The following NLRP5 variants were observed in gnomAD, a reference collection of about 807,000 sequenced individuals.
NLRP5 encodes the protein NACHT, LRR and PYD domains-containing protein 5.
Under a neutral mutation model 113.1 loss-of-function variants are expected in NLRP5, and 93 were observed. That is an observed-to-expected ratio of 0.82 (90% confidence interval 0.70 to 0.98). The LOEUF is 0.98. NLRP5 is among the 50% of genes least tolerant of loss of function. The pLI is 0.00. For synonymous variants in NLRP5, 751 were observed against 600.7 expected (o/e 1.25, Z -3.66); for missense variants, 1,808 against 1,514.3 (o/e 1.19, Z -3.22).
At chr19:56,046,822 G>A (rs1407587858) in intron 11 of NLRP5, among the ~76,000 whole-genome samples, 2 of 152,278 alleles carry the variant, frequency 1.3e-5, no homozygotes, top group South Asian at 2.1e-4. Flanking sequence ...GTGAGCCATC[G>A]CGCCCAGCCA....
At chr19:56,014,435 G>A (rs970195314) in intron 3 of NLRP5, among the ~76,000 whole-genome samples, 22 of 149,600 alleles carry the variant, frequency 1.5e-4, no homozygotes, top group East Asian at 3.9e-4. Flanking sequence ...AACCAAGATC[G>A]TGCCATTGCA....
intron 8 of NLRP5, among the ~76,000 whole-genome samples, chr19:56,033,027 C>T (rs1983182309): frequency 1.3e-5 from 2 of 152,156 alleles, no homozygotes; most frequent in South Asian, 4.2e-4. Flanking sequence ...GGGTGGATCA[C>T]CTGAGGTCAG....
At chr19:56,026,114 C>T (rs900616569) in intron 6 of NLRP5, among the ~76,000 whole-genome samples, 10 of 152,058 alleles carry the variant, frequency 6.6e-5, no homozygotes, top group East Asian at 1.9e-4. Flanking sequence ...AAGTAGGGAA[C>T]GAAGAGTGAG....
At chr19:56,032,121 CAGATCATG>C (rs1983139319) in intron 7 of NLRP5, among the ~76,000 whole-genome samples, 2 of 152,050 alleles carry the variant, frequency 1.3e-5, no homozygotes, top group Admixed American at 6.6e-5. Context: ...AAGGCGGGGG[CAGATCATG>C]AGATCAGGAG....
chr19:56,028,282 C>T lies in NLRP5; in HGVS notation c.2049C>T (p.Asp683=), dbSNP rs1982958425. 1 of 1,613,796 alleles carries T rather than the reference C, an allele frequency of 6.2e-7. No homozygotes were observed. The highest frequency in any genetic ancestry group is 1.3e-5 in the African/African-American group (1 of 74,930). Residue 683 remains aspartate, a synonymous_variant, in exon 7 of 15, where the codon GAC becomes GAT. Transcript: ENST00000390649. ...AGCCTAATGCCACCACCCCAGGAGA[C>T]ACCCTGGACGCCTTCCACTGTCTTT...
At chr19:56,018,234 A>G (rs904693931) in intron 4 of NLRP5, among the ~76,000 whole-genome samples, 1 of 152,152 alleles carries the variant, frequency 6.6e-6, no homozygotes, top group Non-Finnish European at 1.5e-5. Flanking sequence ...TCTGTTTGTG[A>G]TTTTAAAAAA....
chr19:55,991,347 G>C, the NLRP5 span, among the ~76,000 whole-genome samples: 2 of 152,120 alleles, frequency 1.3e-5, no homozygotes, highest in Non-Finnish European at 2.9e-5. Context: ...ATTCTTCTTA[G>C]AATTTTCTTG....
chr19:56,017,012 T>A lies in NLRP5; in HGVS notation c.565+1214T>A, dbSNP rs180753911. 3.5e-3 allele frequency among the ~76,000 whole-genome samples: 530 copies of A among 152,280 alleles called. 1 individual carries two copies. Among genetic ancestry groups the A allele is most frequent in the African/African-American group, 0.012 (513 of 41,566 alleles). ...TTAGTGCAGATGGGGTTTCACCGTG[T>A]TAGGCAGGATGGTCTCAGTCTCTTG... On this transcript the variant is annotated intron_variant, in intron 4 of 14. Transcript: ENST00000390649.
intron 12 of NLRP5, among the ~76,000 whole-genome samples, chr19:56,053,395 T>C (rs1449721958): frequency 7.6e-6 from 1 of 131,376 alleles, no homozygotes; most frequent in Admixed American, 8.4e-5. Context: ...AAACTCCATC[T>C]CAAAAAAAAT....
At chr19:56,039,431 C>A (rs1983436243) in intron 10 of NLRP5, among the ~76,000 whole-genome samples, 1 of 152,164 alleles carries the variant, frequency 6.6e-6, no homozygotes, top group Non-Finnish European at 1.5e-5. Context: ...GATGGCAGTG[C>A]TGGTATCAGC....
At chr19:56,015,265 G>A (rs754801138) in intron 3 of NLRP5, among the ~76,000 whole-genome samples, 1 of 151,932 alleles carries the variant, frequency 6.6e-6, no homozygotes, top group Non-Finnish European at 1.5e-5. Flanking sequence ...GTGTGATGTC[G>A]GCTCACTGAA....
intron 14 of NLRP5, among the ~76,000 whole-genome samples, chr19:56,060,189 G>A (rs947217898): frequency 6.6e-6 from 1 of 152,216 alleles, no homozygotes; most frequent in Non-Finnish European, 1.5e-5. Context: ...GGACTTAGTA[G>A]TTGAAGTAGG....
intron 2 of NLRP5, among the ~76,000 whole-genome samples, chr19:56,007,795 A>C (rs543702147): frequency 7.4e-6 from 1 of 135,708 alleles, no homozygotes; most frequent in Non-Finnish European, 1.6e-5. Flanking sequence ...GAGATAAATA[A>C]AGGTGGCTTG....
chr19:56,055,535 G>GTTT (rs1984102976), intron 13 of NLRP5, among the ~76,000 whole-genome samples: 1 of 55,738 alleles, frequency 1.8e-5, no homozygotes, highest in Non-Finnish European at 3.5e-5. Flanking sequence ...TTCTTTCTCT[G>GTTT]TCTTTTTTTT....
chr19:56,048,041 C>T (rs760953854), intron 11 of NLRP5, among the ~76,000 whole-genome samples: 6 of 152,078 alleles, frequency 3.9e-5, no homozygotes, highest in Non-Finnish European at 8.8e-5. Context: ...GAATAGTTAC[C>T]CCTGCTCGCT....
rs539309282 is a variant in NLRP5, at chr19:56,051,699, G to A, written c.3128+1111G>A. Among the ~76,000 whole-genome samples the A allele has an allele frequency of 2.0e-5, 3 of 152,316 alleles. No individual in the cohort carries two copies. The South Asian group carries it at 6.2e-4, about 32-fold the overall frequency. On this transcript the variant is annotated intron_variant, in intron 12 of 14. Transcript: ENST00000390649. ...ACAGTAAGGTATTCCATTGAATGGTGTAGGCTTTAAAAATCTCCTAAAATT... is the reference window on the plus strand; with the variant it reads ...ACAGTAAGGTATTCCATTGAATGGTATAGGCTTTAAAAATCTCCTAAAATT...
At chr19:55,987,288 T>G in the NLRP5 span, among the ~76,000 whole-genome samples, 5 of 152,210 alleles carry the variant, frequency 3.3e-5, no homozygotes, top group Non-Finnish European at 5.9e-5. Context: ...GAGAATCGCT[T>G]TAACCCAGGA....
At chr19:56,011,884 G>C (rs552678895) in intron 3 of NLRP5, among the ~76,000 whole-genome samples, 36 of 151,966 alleles carry the variant, frequency 2.4e-4, no homozygotes, top group African/African-American at 8.7e-4. Context: ...TAAAGATGGA[G>C]TTTCACCGTA....
At chr19:56,026,334 C>T (rs999737438) in intron 6 of NLRP5, among the ~76,000 whole-genome samples, 4 of 151,708 alleles carry the variant, frequency 2.6e-5, no homozygotes, top group Non-Finnish European at 5.9e-5. Flanking sequence ...TGAGACCATC[C>T]TGGCGAACAC....
Sources: allele counts gnomAD v4.1 joint callset (sites outside exome capture counted in the v4.1 genomes callset), GRCh38; gene constraint gnomAD v4.1.1; transcripts MANE v1.5; gene names NCBI Gene and HGNC (gene_info 2026-07-23, HGNC 2026-07-21).